The following KLHL20 variants were observed in gnomAD, a reference collection of about 807,000 sequenced individuals.
KLHL20 encodes the protein kelch-like protein 20.
A neutral mutation model predicts 69.5 loss-of-function variants in KLHL20; 29 were observed. That is an observed-to-expected ratio of 0.42 (90% CI 0.31 to 0.57). KLHL20 has a LOEUF of 0.57. KLHL20 is among the 20% of genes least tolerant of loss of function. The pLI, the probability that KLHL20 is intolerant of heterozygous loss-of-function variation, is 0.18. For synonymous variants in KLHL20, 253 were observed against 265.2 expected (o/e 0.95, Z 0.45); for missense variants, 419 against 776.0 (o/e 0.54, Z 5.47).
At chr1:173,717,562 G>A (rs1041078319) in intron 2 of KLHL20, among the ~76,000 whole-genome samples, 6 of 152,126 alleles carry the variant, frequency 3.9e-5, no homozygotes, top group African/African-American at 1.4e-4. Flanking sequence ...AACCCAGAAG[G>A]CAGTCTCTGT....
At chr1:173,727,267 C>T (rs1672021071) in intron 2 of KLHL20, among the ~76,000 whole-genome samples, 1 of 151,632 alleles carries the variant, frequency 6.6e-6, no homozygotes, top group Admixed American at 6.6e-5. Context: ...ACCAAATCTA[C>T]GTCTGATTGG....
intron 2 of KLHL20, among the ~76,000 whole-genome samples, chr1:173,723,368 A>C (rs1671804688): frequency 6.6e-6 from 1 of 152,254 alleles, no homozygotes; most frequent in Admixed American, 6.5e-5. Flanking sequence ...TAAAATTGCC[A>C]AGCGTAAACA....
chr1:173,784,074 G>A (rs993600073), intron 11 of KLHL20, among the ~76,000 whole-genome samples: 2 of 152,172 alleles, frequency 1.3e-5, no homozygotes, highest in Non-Finnish European at 1.5e-5. Context: ...GCAAGACTCC[G>A]TCTCAAAACA....
chr1:173,780,569 G>C (rs1016262260), intron 10 of KLHL20, among the ~76,000 whole-genome samples: 3 of 152,114 alleles, frequency 2.0e-5, no homozygotes, highest in African/African-American at 7.2e-5. Context: ...CTTGAGCCCA[G>C]GAATTTGAGA....
intron 8 of KLHL20, among the ~76,000 whole-genome samples, chr1:173,769,742 C>T (rs1452933340): frequency 6.9e-6 from 1 of 144,956 alleles, no homozygotes; most frequent in Non-Finnish European, 1.5e-5. Flanking sequence ...GATTGCTCCA[C>T]TGCACTCTAG....
chr1:173,751,743 T>A (rs375722598), intron 3 of KLHL20, 21 bp from the exon 4 acceptor site: 79 of 1,610,886 alleles, frequency 4.9e-5, no homozygotes, highest in Non-Finnish European at 6.4e-5. Context: ...TTTTTTTTTC[T>A]TCTTACCTAA....
intron 7 of KLHL20, among the ~76,000 whole-genome samples, chr1:173,759,454 A>C (rs1188342540): frequency 6.6e-6 from 1 of 152,130 alleles, no homozygotes; most frequent in African/African-American, 2.4e-5. Context: ...TAAACCACCA[A>C]AACTAAGGAT....
At chr1:173,727,815 A>G (rs536993565) in intron 2 of KLHL20, among the ~76,000 whole-genome samples, 70 of 152,324 alleles carry the variant, frequency 4.6e-4, no homozygotes, top group African/African-American at 1.6e-3. Flanking sequence ...TGTAAATACC[A>G]TCAAGGCTAG....
At chr1:173,763,258 C>G (rs572975337) in intron 7 of KLHL20, among the ~76,000 whole-genome samples, 1 of 152,306 alleles carries the variant, frequency 6.6e-6, no homozygotes, top group South Asian at 2.1e-4. Flanking sequence ...AATGGAAACA[C>G]TTCCCATGCT....
intron 2 of KLHL20, among the ~76,000 whole-genome samples, chr1:173,730,889 G>T (rs1672238010): frequency 6.6e-6 from 1 of 152,148 alleles, no homozygotes; most frequent in South Asian, 2.1e-4. Flanking sequence ...TTAAACTAAA[G>T]AGCTTCTGCA....
At chr1:173,761,110 T>G (rs1647271025) in intron 7 of KLHL20, among the ~76,000 whole-genome samples, 1 of 152,094 alleles carries the variant, frequency 6.6e-6, no homozygotes, top group South Asian at 2.1e-4. Context: ...AAACAAACTT[T>G]AAAGCAACAG....
chr1:173,772,540 G>A (rs192224641), intron 8 of KLHL20, among the ~76,000 whole-genome samples: 26 of 152,058 alleles, frequency 1.7e-4, no homozygotes, highest in African/African-American at 5.5e-4. Flanking sequence ...TTTCTTATAA[G>A]AACTGTATTA....
chr1:173,737,553 G>C (rs1280372814), intron 3 of KLHL20, among the ~76,000 whole-genome samples: 1 of 152,012 alleles, frequency 6.6e-6, no homozygotes, highest in Non-Finnish European at 1.5e-5. Flanking sequence ...TTTATTTCTG[G>C]GTTCTCTATT....
chr1:173,747,511 C>G (rs1465216860), intron 3 of KLHL20, among the ~76,000 whole-genome samples: 1 of 151,902 alleles, frequency 6.6e-6, no homozygotes, highest in Non-Finnish European at 1.5e-5. Flanking sequence ...TTTGTTCTTC[C>G]CATTACTTTT....
intron 3 of KLHL20, among the ~76,000 whole-genome samples, chr1:173,739,175 C>T (rs866528343): frequency 1.3e-5 from 2 of 152,022 alleles, no homozygotes; most frequent in Non-Finnish European, 2.9e-5. Context: ...CACATTCAAG[C>T]GATTCTCCTG....
chr1:173,756,949 T>G, intron 6 of KLHL20, 27 bp from the exon 7 acceptor site: 1 of 1,607,672 alleles, frequency 6.2e-7, no homozygotes, highest in Non-Finnish European at 8.5e-7. Context: ...GATAGGATTC[T>G]CTTGACCATT....
At chr1:173,735,563 TTTTA>T (rs1672490213) in intron 3 of KLHL20, among the ~76,000 whole-genome samples, 1 of 152,162 alleles carries the variant, frequency 6.6e-6, no homozygotes, top group African/African-American at 2.4e-5. Flanking sequence ...AAAATCATAT[TTTTA>T]TTTATTTTGC....
At chr1:173,751,640 C>T in intron 3 of KLHL20, 124 bp from the exon 4 acceptor site, 1 of 792,354 alleles carries the variant, frequency 1.3e-6, no homozygotes, top group Non-Finnish European at 1.9e-6. Flanking sequence ...TTCCTTTCCT[C>T]TGGTATCGTT....
At chr1:173,716,126 T>C (rs1283728345) in intron 2 of KLHL20, 60 bp downstream of exon 2, 8 of 1,530,100 alleles carry the variant, frequency 5.2e-6, no homozygotes, top group Non-Finnish European at 6.3e-6. Flanking sequence ...TGTAATAATT[T>C]AAATTTTTAA....
Sources: gnomAD v4.1 joint callset for allele counts (sites outside exome capture counted in the v4.1 genomes callset) on GRCh38, gnomAD v4.1.1 for gene constraint, MANE v1.5 for transcripts, NCBI Gene and HGNC (gene_info 2026-07-23, HGNC 2026-07-21) for gene names.